Variants in RNF13 observed in about 807,000 individuals in gnomAD.
RNF13 encodes the protein ring finger protein 13, also known as E3 ubiquitin-protein ligase RNF13.
A neutral mutation model predicts 37.7 loss-of-function variants in RNF13; 19 were observed. That is an observed-to-expected ratio of 0.50 (90% CI 0.35 to 0.74). The LOEUF (loss-of-function observed/expected upper bound fraction) is 0.74. RNF13 is among the 30% of genes least tolerant of loss of function. RNF13 has a pLI of 0.01. For missense variants in RNF13, 375 were observed against 453.0 expected, an observed-to-expected ratio of 0.83 and a Z score of 1.56; for synonymous variants, 144 against 157.8, an observed-to-expected ratio of 0.91 and a Z score of 0.65.
At chr3:149,835,633 T>TTGTG (rs3039646) in intron 1 of RNF13, among the ~76,000 whole-genome samples, 12,528 of 138,672 alleles carry the variant, frequency 0.09, 570 homozygotes, top group East Asian at 0.24. Flanking sequence ...TAGTATTCCA[T>TTGTG]TGTGTGTGTG....
intron 8 of RNF13, among the ~76,000 whole-genome samples, chr3:149,922,746 G>A (rs1006398631): frequency 9.2e-5 from 14 of 151,902 alleles, no homozygotes; most frequent in African/African-American, 2.7e-4. Context: ...AGGAAAAATC[G>A]GGTCAGGGAC....
chr3:149,926,312 C>T (rs1718645225), intron 8 of RNF13, among the ~76,000 whole-genome samples: 1 of 152,032 alleles, frequency 6.6e-6, no homozygotes, highest in Non-Finnish European at 1.5e-5. Flanking sequence ...CCCGAGTTCA[C>T]ACTATTCTCT....
At chr3:149,937,838 C>T (rs1719855820) in intron 8 of RNF13, among the ~76,000 whole-genome samples, 1 of 151,762 alleles carries the variant, frequency 6.6e-6, no homozygotes, top group South Asian at 2.1e-4. Flanking sequence ...ACTTTATGTC[C>T]CAGAATGTGG....
At chr3:149,954,371 A>G (rs1721649621) in intron 8 of RNF13, among the ~76,000 whole-genome samples, 1 of 152,112 alleles carries the variant, frequency 6.6e-6, no homozygotes, top group Non-Finnish European at 1.5e-5. Flanking sequence ...TGAAAATGTT[A>G]GGGGACTCTA....
chr3:149,868,945 T>C (rs1272837017), intron 3 of RNF13, among the ~76,000 whole-genome samples: 1 of 151,828 alleles, frequency 6.6e-6, no homozygotes, highest in African/African-American at 2.4e-5. Flanking sequence ...TACCTTACTT[T>C]TGCTCAGCTC....
chr3:149,916,677 A>G (rs1272783121), intron 7 of RNF13, among the ~76,000 whole-genome samples: 1 of 152,178 alleles, frequency 6.6e-6, no homozygotes, highest in African/African-American at 2.4e-5. Context: ...AGTAGAGAGT[A>G]AGTTAGAAAA....
chr3:149,842,852 G>T (rs1722305492), intron 1 of RNF13, among the ~76,000 whole-genome samples: 1 of 152,170 alleles, frequency 6.6e-6, no homozygotes, highest in South Asian at 2.1e-4. Flanking sequence ...ATGCTTGAAA[G>T]GGAGGGACGC....
chr3:149,935,216 A>T (rs1458142135), intron 8 of RNF13, among the ~76,000 whole-genome samples: 2 of 151,938 alleles, frequency 1.3e-5, no homozygotes, highest in Non-Finnish European at 2.9e-5. Context: ...TTTGTTTTCC[A>T]ATTGCATGGA....
chr3:149,836,449 A>G, intron 1 of RNF13, among the ~76,000 whole-genome samples: 1 of 152,094 alleles, frequency 6.6e-6, no homozygotes. Flanking sequence ...TATATATTGT[A>G]TATATATGTC....
intron 1 of RNF13, among the ~76,000 whole-genome samples, chr3:149,837,174 G>T (rs1354420979): frequency 1.3e-5 from 2 of 152,106 alleles, no homozygotes; most frequent in Non-Finnish European, 1.5e-5. Flanking sequence ...GAGGCTGAAG[G>T]CCTTCTGAAA....
At chr3:149,887,781 A>G (rs2108475716) in intron 4 of RNF13, among the ~76,000 whole-genome samples, 1 of 152,324 alleles carries the variant, frequency 6.6e-6, no homozygotes, top group African/African-American at 2.4e-5. Flanking sequence ...ACAATGTTGA[A>G]TAGAAGCAGT....
chr3:149,849,567 TGA>T (rs766557840), intron 2 of RNF13, among the ~76,000 whole-genome samples: 3 of 152,132 alleles, frequency 2.0e-5, no homozygotes, highest in Non-Finnish European at 2.9e-5. Context: ...TTTGTAAAAG[TGA>T]GAGTTTGTGA....
chr3:149,864,709 G>T (rs1233344425), intron 3 of RNF13, among the ~76,000 whole-genome samples: 2 of 152,106 alleles, frequency 1.3e-5, no homozygotes, highest in Non-Finnish European at 2.9e-5. Context: ...AAAACTGAAG[G>T]TTATAGTCAT....
intron 1 of RNF13, among the ~76,000 whole-genome samples, chr3:149,822,825 A>G (rs1210359590): frequency 1.3e-5 from 2 of 152,146 alleles, no homozygotes; most frequent in Admixed American, 1.3e-4. Flanking sequence ...TCAGGGATAA[A>G]CCATATTTAT....
chr3:149,943,878 T>C (rs1432375733), intron 8 of RNF13, among the ~76,000 whole-genome samples: 1 of 152,084 alleles, frequency 6.6e-6, no homozygotes, highest in Non-Finnish European at 1.5e-5. Flanking sequence ...TTGTTACATA[T>C]GTATACATGT....
intron 6 of RNF13, among the ~76,000 whole-genome samples, chr3:149,906,101 A>AT (rs923451334): frequency 5.9e-5 from 9 of 151,692 alleles, no homozygotes; most frequent in Non-Finnish European, 5.9e-5. Flanking sequence ...ATATTTTATG[A>AT]TTTTTTTTCA....
chr3:149,813,102 G>C (rs780390863), upstream of RNF13: 1 of 152,274 alleles, frequency 6.6e-6, no homozygotes, highest in Admixed American at 6.5e-5. Context: ...AGCAAGTAGC[G>C]AGACTCCGCG....
intron 2 of RNF13, 128 bp downstream of exon 2, chr3:149,846,268 T>C (rs1722632581): frequency 1.7e-6 from 1 of 586,748 alleles, no homozygotes. Context: ...CCAACACATA[T>C]ACACAGTTAC....
rs183971983 is a variant in RNF13, at chr3:149,866,156, C to T, written c.196-5873C>T. On this transcript the variant is annotated intron_variant, in intron 3 of 9. Transcript: ENST00000392894. ...CCTGATCCAGACCCCAAGAGAGGGTCGTTGGATCTCACACAAGAAAGAATT... is the reference window on the plus strand; with the variant it reads ...CCTGATCCAGACCCCAAGAGAGGGTTGTTGGATCTCACACAAGAAAGAATT... Among the ~76,000 whole-genome samples the T allele has an allele frequency of 4.1e-4, 63 of 152,108 alleles. 1 individual carries two copies. The highest frequency in any genetic ancestry group is 3.4e-3 in the Middle Eastern group (1 of 294).
Sources: allele counts gnomAD v4.1 joint callset (sites outside exome capture counted in the v4.1 genomes callset), GRCh38; gene constraint gnomAD v4.1.1; transcripts MANE v1.5; gene names NCBI Gene and HGNC (gene_info 2026-07-23, HGNC 2026-07-21).